The following CCSER1 variants were observed in gnomAD, a reference collection of about 807,000 sequenced individuals.
CCSER1 encodes coiled-coil serine rich protein 1, also known as serine-rich coiled-coil domain-containing protein 1.
In CCSER1, 41 loss-of-function variants were observed where a neutral mutation model predicts 82.0. That is an observed-to-expected ratio of 0.50 (90% CI 0.39 to 0.65). The LOEUF (loss-of-function observed/expected upper bound fraction) is 0.65, where lower values mean the gene tolerates loss of function less well. Ranked by LOEUF, CCSER1 falls within the 30% of genes least tolerant of loss-of-function variation. The pLI is 0.00. For missense variants in CCSER1, 1,119 were observed against 1,064.2 expected, an observed-to-expected ratio of 1.05 and a Z score of -0.72; for synonymous variants, 414 against 383.9, an observed-to-expected ratio of 1.08 and a Z score of -0.92.
chr4:91,225,341 G>A (rs1436865978), intron 10 of CCSER1, among the ~76,000 whole-genome samples: 3 of 121,808 alleles, frequency 2.5e-5, no homozygotes, highest in African/African-American at 1.1e-4. Flanking sequence ...TATTATATAT[G>A]TAATATATAT....
At chr4:90,386,869 A>G (rs192286039) in intron 3 of CCSER1, among the ~76,000 whole-genome samples, 20 of 152,256 alleles carry the variant, frequency 1.3e-4, no homozygotes, top group African/African-American at 4.6e-4. Context: ...CGGCCCACCT[A>G]ATGTAAAGTA....
At chr4:90,265,252 G>A (rs1725032417) in intron 1 of CCSER1, among the ~76,000 whole-genome samples, 3 of 151,560 alleles carry the variant, frequency 2.0e-5, no homozygotes. Context: ...AATTCAGTAT[G>A]TATTTTTATG....
At chr4:91,057,808 G>A (rs1446168039) in intron 9 of CCSER1, among the ~76,000 whole-genome samples, 1 of 152,068 alleles carries the variant, frequency 6.6e-6, no homozygotes, top group East Asian at 1.9e-4. Context: ...CACCATACAT[G>A]TGTGTGAATT....
intron 10 of CCSER1, among the ~76,000 whole-genome samples, chr4:91,141,975 T>C (rs1729076779): frequency 6.6e-6 from 1 of 152,222 alleles, no homozygotes; most frequent in African/African-American, 2.4e-5. Context: ...TATTTGTTGA[T>C]TTAAGTTCCT....
chr4:91,419,711 T>C (rs1373418471), intron 10 of CCSER1, among the ~76,000 whole-genome samples: 2 of 151,986 alleles, frequency 1.3e-5, no homozygotes, highest in Non-Finnish European at 2.9e-5. Flanking sequence ...ATCTAAAATT[T>C]ATATGGAGCC....
intron 8 of CCSER1, among the ~76,000 whole-genome samples, chr4:90,861,905 C>CATATATATATATATATAT (rs1433929339): frequency 1.3e-4 from 18 of 139,402 alleles, no homozygotes; most frequent in African/African-American, 4.7e-4. Flanking sequence ...TATGATGACT[C>CATATATATATATATATAT]ATATATATAT....
intron 4 of CCSER1, among the ~76,000 whole-genome samples, chr4:90,419,757 T>C (rs867872474): frequency 2.0e-5 from 3 of 152,016 alleles, no homozygotes; most frequent in African/African-American, 7.2e-5. Context: ...TCTGCATTAT[T>C]CTGAGATGGA....
At chr4:91,401,447 G>A (rs886226322) in intron 10 of CCSER1, among the ~76,000 whole-genome samples, 3 of 150,680 alleles carry the variant, frequency 2.0e-5, no homozygotes, top group African/African-American at 4.9e-5. Flanking sequence ...TGTGCACAAC[G>A]TGCAGGTTTG....
chr4:90,652,880 A>T (rs563341282), intron 6 of CCSER1, among the ~76,000 whole-genome samples: 1 of 152,220 alleles, frequency 6.6e-6, no homozygotes, highest in African/African-American at 2.4e-5. Flanking sequence ...CCTCAAAATT[A>T]AGTTTCTGTA....
intron 10 of CCSER1, among the ~76,000 whole-genome samples, chr4:91,539,676 C>T (rs114666885): frequency 0.01 from 1,540 of 152,082 alleles, 20 homozygotes; most frequent in African/African-American, 0.03. Context: ...TAGTATGTTG[C>T]CTTCTTTCTC....
intron 10 of CCSER1, among the ~76,000 whole-genome samples, chr4:91,268,924 G>T (rs373600702): frequency 2.0e-5 from 3 of 152,140 alleles, no homozygotes; most frequent in African/African-American, 7.2e-5. Context: ...CCATCTGGAC[G>T]TATACGTGCA....
chr4:91,527,961 C>A (rs1399196880), intron 10 of CCSER1, among the ~76,000 whole-genome samples: 1 of 152,114 alleles, frequency 6.6e-6, no homozygotes, highest in Non-Finnish European at 1.5e-5. Flanking sequence ...GTCACCCAGG[C>A]TGGAGTGCAG....
At chr4:90,903,475 G>A (rs1724973758) in intron 8 of CCSER1, among the ~76,000 whole-genome samples, 1 of 152,014 alleles carries the variant, frequency 6.6e-6, no homozygotes, top group Non-Finnish European at 1.5e-5. Flanking sequence ...TTTATCAGCA[G>A]CATGAAAACA....
At chr4:91,424,354 C>G (rs140666517) in intron 10 of CCSER1, among the ~76,000 whole-genome samples, 1 of 152,054 alleles carries the variant, frequency 6.6e-6, no homozygotes, top group Non-Finnish European at 1.5e-5. Context: ...CTTAGATCTG[C>G]GGAATTTGGG....
chr4:90,815,469 G>A (rs542236423), intron 7 of CCSER1, among the ~76,000 whole-genome samples: 2 of 151,966 alleles, frequency 1.3e-5, no homozygotes, highest in South Asian at 2.1e-4. Flanking sequence ...CAAATAAATC[G>A]ATAGAGGAAT....
At chr4:90,847,037 C>G (rs1433628012) in intron 8 of CCSER1, among the ~76,000 whole-genome samples, 4 of 152,244 alleles carry the variant, frequency 2.6e-5, no homozygotes, top group African/African-American at 4.8e-5. Flanking sequence ...TGAAACTGTT[C>G]CCCCATTTGT....
chr4:90,702,936 T>G (rs900082100), intron 6 of CCSER1, among the ~76,000 whole-genome samples: 3 of 152,208 alleles, frequency 2.0e-5, no homozygotes, highest in African/African-American at 7.2e-5. Flanking sequence ...CCTGGATTCA[T>G]TAATTTTTTG....
intron 10 of CCSER1, among the ~76,000 whole-genome samples, chr4:91,213,109 AC>A (rs145429692): frequency 0.12 from 18,655 of 152,160 alleles, 1,310 homozygotes; most frequent in Middle Eastern, 0.17. Context: ...CATGGCATAT[AC>A]GCACCACTTT....
At chr4:90,469,524 AAC>A (rs3971380) in intron 5 of CCSER1, among the ~76,000 whole-genome samples, 10,419 of 136,062 alleles carry the variant, frequency 0.077, 340 homozygotes, top group Middle Eastern at 0.1. Flanking sequence ...TTTCCTGCAA[AAC>A]ACACACACAC....
Sources: allele counts gnomAD v4.1 joint callset (sites outside exome capture counted in the v4.1 genomes callset), GRCh38; gene constraint gnomAD v4.1.1; transcripts MANE v1.5; gene names NCBI Gene and HGNC (gene_info 2026-07-23, HGNC 2026-07-21).